Variants in OR8B2 observed in about 807,000 individuals in gnomAD.
OR8B2 encodes olfactory receptor family 8 subfamily B member 2.
For synonymous variants in OR8B2, 98 were observed against 138.2 expected (o/e 0.71, Z 2.04); for missense variants, 304 against 379.6 (o/e 0.80, Z 1.65).
Position 124,383,354 on chromosome 11 carries a change from C to T in OR8B2, c.-11G>A, listed in dbSNP as rs774776498. 23 of 1,566,038 alleles carry T rather than the reference C, an allele frequency of 1.5e-5. No individual in the cohort carries two copies. Among genetic ancestry groups the T allele is most frequent in the Non-Finnish European group, 2.0e-5 (23 of 1,161,424 alleles). The stretch of plus-strand genomic sequence containing the variant: ...GTTTCTAGCCAGCATTTTTTGTCTT[C>T]AAAAATCTGGGAAGACAAAAGAAAA... On this transcript the variant is annotated 5_prime_UTR_variant, in exon 2 of 2. An upstream open reading frame in the 5' UTR loses its in-frame stop. Coordinates refer to ENST00000641451, the MANE Select transcript of OR8B2 (RefSeq NM_001005468.2).
the OR8B2 span, among the ~76,000 whole-genome samples, chr11:124,394,269 A>G: frequency 7.0e-6 from 1 of 142,516 alleles, no homozygotes; most frequent in Non-Finnish European, 1.5e-5. Context: ...AAAAATAAAT[A>G]AATAAATAAA....
chr11:124,395,366 A>C, the OR8B2 span, among the ~76,000 whole-genome samples: 1 of 152,214 alleles, frequency 6.6e-6, no homozygotes, highest in African/African-American at 2.4e-5. Context: ...CATGAACAGG[A>C]AAAGAATTCG....
At chr11:124,396,665 T>A in the OR8B2 span, 1 of 1,612,440 alleles carries the variant, frequency 6.2e-7, no homozygotes, top group African/African-American at 1.3e-5. Context: ...CTTGAGTGGA[T>A]TTGATATGAA....
At position 124,383,230 on chromosome 11, in the gene OR8B2, G is replaced by A. The variant is rs754399313; in HGVS notation, c.114C>T (p.Thr38=). ...FFLFLVIYIV[T]MVGNLGLITL... The stretch of plus-strand genomic sequence containing the variant: ...TGATCAAGCCAAGGTTGCCTACCAT[G>A]GTGACAATGTAGATCACTAGAAACA... The change falls in exon 2 of 2, where the codon ACC becomes ACT. Residue 38 remains threonine (T), a synonymous_variant. Transcript: ENST00000641451. 5 of 1,613,956 alleles carry A rather than the reference G, an allele frequency of 3.1e-6. No individual in the cohort carries two copies. Among genetic ancestry groups the A allele is most frequent in the East Asian group, 2.2e-5 (1 of 44,876 alleles).
chr11:124,384,438 G>A lies in OR8B2; in HGVS notation c.-82C>T, dbSNP rs1591430558. 3.9e-5 allele frequency: 6 copies of A among 152,212 alleles called. No individual in the cohort carries two copies. The East Asian group carries it at 1.2e-3, about 29-fold the overall frequency. 9.4% of individuals were successfully genotyped at this position (152,212 alleles called of 1,614,324 possible). Reference sequence around the variant, plus strand: ...TGTGTTTCACCTCCACTGCCCTGGAGGTAGAACTGGTGGTGAAGGTATCTA... The same window carrying A: ...TGTGTTTCACCTCCACTGCCCTGGAAGTAGAACTGGTGGTGAAGGTATCTA... On this transcript the variant is annotated 5_prime_UTR_variant, in exon 1 of 2. Transcript: ENST00000641451.
At position 124,382,501 on chromosome 11, in the gene OR8B2, C is replaced by A. The variant is rs753252403; in HGVS notation, c.843G>T (p.Val281=). ...KVSSVFYTNV[V]PMLNPLIYSL... is the part of the protein sequence containing the mutation. ...TGTAGATGAGGGGATTGAGCATGGG[C>A]ACCACATTAGTGTAGAAAACAGAAG... The change falls in exon 2 of 2, where the codon GTG becomes GTT. Residue 281 remains valine (V), a synonymous_variant. Transcript: ENST00000641451. 4.3e-6 allele frequency: 7 copies of A among 1,613,858 alleles called. No homozygotes were observed. The highest frequency in any genetic ancestry group is 5.9e-6 in the Non-Finnish European group (7 of 1,179,990).
At chr11:124,395,415 A>C in the OR8B2 span, 1 of 152,224 alleles carries the variant, frequency 6.6e-6, no homozygotes, top group Admixed American at 6.5e-5. Context: ...CTTTATATAA[A>C]ATGTGTTTCA....
Position 124,383,345 on chromosome 11 carries a change from T to G in OR8B2, c.-2A>C, listed in dbSNP as rs771319646. The G allele has an allele frequency of 3.2e-6, 5 of 1,573,704 alleles. No homozygotes were observed. Among genetic ancestry groups the G allele is most frequent in the Non-Finnish European group, 4.3e-6 (5 of 1,165,086 alleles). ...TAAGGAGTTGTTTCTAGCCAGCATTTTTTGTCTTCAAAAATCTGGGAAGAC... is the reference window on the plus strand; with the variant it reads ...TAAGGAGTTGTTTCTAGCCAGCATTGTTTGTCTTCAAAAATCTGGGAAGAC... On this transcript the variant is annotated 5_prime_UTR_variant, in exon 2 of 2. Coordinates refer to ENST00000641451, the MANE Select transcript of OR8B2 (RefSeq NM_001005468.2).
At chr11:124,396,747 A>G in the OR8B2 span, 4 of 1,613,942 alleles carry the variant, frequency 2.5e-6, no homozygotes, top group African/African-American at 1.3e-5. Context: ...AATACCCACA[A>G]CAATGAGAAC....
the OR8B2 span, among the ~76,000 whole-genome samples, chr11:124,393,328 A>G: frequency 6.8e-6 from 1 of 147,998 alleles, no homozygotes; most frequent in Non-Finnish European, 1.5e-5. Context: ...TGAACAGGCA[A>G]CCTACAAAAT....
At chr11:124,396,337 C>G in the OR8B2 span, 1 of 1,286,946 alleles carries the variant, frequency 7.8e-7, no homozygotes, top group Non-Finnish European at 1.1e-6. Flanking sequence ...GTAGAAACAA[C>G]AAAATCTCTT....
chr11:124,391,555 A>G, the OR8B2 span, among the ~76,000 whole-genome samples: 1 of 152,140 alleles, frequency 6.6e-6, no homozygotes, highest in African/African-American at 2.4e-5. Flanking sequence ...CTCTCCCAAG[A>G]CTAAACCAGG....
Position 124,382,899 on chromosome 11 carries a change from A to G in OR8B2, c.445T>C (p.Tyr149His). The change falls in exon 2 of 2, where the codon TAC becomes CAC. Residue 149 changes from tyrosine to histidine, a missense_variant. Physicochemically the swap from Tyr to His is moderately conservative, Grantham distance 83 (BLOSUM62 2). Transcript: ENST00000641451. ...QVCSMLTFAA[Y>H]IMGLAGATAH... ...GTGGCTCCAGCCAATCCCATTATGT[A>G]AGCAGCAAAAGTGAGCATAGAACAG... The G allele has an allele frequency of 6.2e-7, 1 of 1,606,004 alleles. No homozygotes were observed. Among genetic ancestry groups the G allele is most frequent in the Non-Finnish European group, 8.5e-7 (1 of 1,175,188 alleles).
the OR8B2 span, chr11:124,396,534 G>A: frequency 5.1e-5 from 82 of 1,613,314 alleles, no homozygotes; most frequent in Admixed American, 4.0e-4. Flanking sequence ...GAAAACAGAA[G>A]AAACTTTTCC....
At chr11:124,390,452 C>T in the OR8B2 span, among the ~76,000 whole-genome samples, 21 of 152,216 alleles carry the variant, frequency 1.4e-4, no homozygotes, top group Admixed American at 1.0e-3. Context: ...CCAATGATAG[C>T]GGATCAGCCT....
chr11:124,387,735 G>T (rs1031236479), upstream of OR8B2, among the ~76,000 whole-genome samples: 7 of 143,858 alleles, frequency 4.9e-5, no homozygotes, highest in African/African-American at 1.8e-4. Context: ...TTGACTTGGT[G>T]ATGCGGGCTC....
At chr11:124,394,369 C>T in the OR8B2 span, among the ~76,000 whole-genome samples, 2 of 152,148 alleles carry the variant, frequency 1.3e-5, no homozygotes, top group African/African-American at 2.4e-5. Context: ...ACTTGCAACA[C>T]ATTTTTTGTT....
chr11:124,389,089 G>T (rs926241425), upstream of OR8B2, among the ~76,000 whole-genome samples: 1 of 152,118 alleles, frequency 6.6e-6, no homozygotes, highest in Non-Finnish European at 1.5e-5. Flanking sequence ...CTCCCAAGGT[G>T]CTGGGATTAT....
At chr11:124,396,670 T>C in the OR8B2 span, 2 of 1,613,396 alleles carry the variant, frequency 1.2e-6, no homozygotes, top group South Asian at 2.2e-5. Context: ...GTGGATTTGA[T>C]ATGAAGAATG....
Sources: allele counts gnomAD v4.1 joint callset (sites outside exome capture counted in the v4.1 genomes callset), GRCh38; gene constraint gnomAD v4.1.1; transcripts MANE v1.5; gene names NCBI Gene and HGNC (gene_info 2026-07-23, HGNC 2026-07-21).